GTF3C1: variants seen among roughly 807,000 people sequenced by gnomAD.
The protein encoded by GTF3C1 is general transcription factor IIIC subunit 1.
GTF3C1 carries 57 observed loss-of-function variants against 226.7 expected under a neutral mutation model. The ratio of observed to expected loss-of-function variants is 0.25; its 90% CI spans 0.20 to 0.31. The LOEUF (loss-of-function observed/expected upper bound fraction) is 0.31, where lower values mean the gene tolerates loss of function less well. Ranked by LOEUF, GTF3C1 falls within the 10% of genes least tolerant of loss-of-function variation. The pLI is 1.00. For missense variants in GTF3C1, 2,217 were observed against 2,776.1 expected, an observed-to-expected ratio of 0.80 and a Z score of 4.53; for synonymous variants, 1,090 against 1,084.8, an observed-to-expected ratio of 1.00 and a Z score of -0.09.
At chr16:27,485,213 C>G (rs1356293414) in intron 24 of GTF3C1, among the ~76,000 whole-genome samples, 1 of 152,240 alleles carries the variant, frequency 6.6e-6, no homozygotes, top group Non-Finnish European at 1.5e-5. Context: ...GGGCACAAAG[C>G]CCCAGCTGGG....
At chr16:27,488,672 C>G in intron 21 of GTF3C1, 37 bp from the exon 22 acceptor site, 1 of 1,532,514 alleles carries the variant, frequency 6.5e-7, no homozygotes, top group African/African-American at 1.4e-5. Flanking sequence ...GAAGCATGAG[C>G]TTCCACAAAT....
Position 27,549,868 on chromosome 16 carries a change from A to G in GTF3C1, c.23T>C (p.Leu8Ser), listed in dbSNP as rs1337174404. The part of the protein sequence containing the change: MDALESL[L>S]DEVALEGLDG... Reference sequence around the variant, plus strand: ...GAGCCCCTCCAGAGCGACTTCGTCCAACAACGACTCCAGCGCGTCCATTGC... The same window carrying G: ...GAGCCCCTCCAGAGCGACTTCGTCCGACAACGACTCCAGCGCGTCCATTGC... The change falls in exon 1 of 37, where the codon TTG becomes TCG. Residue 8 changes from leucine (L) to serine (S), a missense_variant. Around this residue, in one of 12 missense-constraint regions of GTF3C1, gnomAD observed 192 missense variants for 251.8 expected, o/e 0.76. Coordinates refer to ENST00000356183, the MANE Select transcript of GTF3C1 (RefSeq NM_001520.4). 1.2e-6 allele frequency: 2 copies of G among 1,612,438 alleles called. No homozygotes were observed.
rs1467740000 is a variant in GTF3C1 at position 27,463,422 on chromosome 16, G to A, written c.5924+119C>T. 2 of 706,902 alleles carry A rather than the reference G, an allele frequency of 2.8e-6. No homozygotes were observed. The highest frequency in any genetic ancestry group is 2.2e-5 in the Admixed American group (1 of 44,754). 43.8% of individuals were successfully genotyped at this position (706,902 alleles called of 1,614,324 possible). On this transcript the variant is annotated intron_variant, in intron 35 of 36. Transcript: ENST00000356183. The surrounding 1 kb of genome is among the most constrained non-coding windows in gnomAD (Gnocchi z 4.9). ...ACCCCTGCCAAGAACCAAGGTGCCG[G>A]GCAGGCTGTCAGAGCTGGTACCTGG... is the stretch of plus-strand genomic sequence containing the variant.
intron 27 of GTF3C1, among the ~76,000 whole-genome samples, chr16:27,478,950 G>A (rs1335225313): frequency 3.3e-5 from 5 of 151,960 alleles, no homozygotes; most frequent in Non-Finnish European, 5.9e-5. Flanking sequence ...CCCAGAGGCT[G>A]GGAAGTGGAA....
In GTF3C1 at chr16:27,533,335, G is replaced by A. The variant is rs771230294; in HGVS notation, c.805C>T (p.Arg269Trp). ...MEKLSVMLST[R>W]TNHIETLGKL... ...CCCAGCGTCTCTATGTGGTTAGTCC[G>A]TGTGCTCAGCATGACCGAAAGCTTC... Residue 269 changes from arginine to tryptophan, a missense_variant, in exon 5 of 37, where the codon CGG becomes TGG. By Grantham distance (101) the Arg-to-Trp change is moderately radical. This residue lies in a region of GTF3C1 where 163 missense variants were observed against 234.3 expected (regional missense o/e 0.70). Coordinates refer to ENST00000356183, the MANE Select transcript of GTF3C1 (RefSeq NM_001520.4). 1.2e-6 allele frequency: 2 copies of A among 1,607,616 alleles called. No individual in the cohort carries two copies. The highest frequency in any genetic ancestry group is 2.2e-5 in the East Asian group (1 of 44,846).
At chr16:27,518,452 G>A (rs1324976693) in intron 6 of GTF3C1, among the ~76,000 whole-genome samples, 2 of 152,190 alleles carry the variant, frequency 1.3e-5, no homozygotes, top group African/African-American at 4.8e-5. Flanking sequence ...CTTCCTCATA[G>A]AGTCCTTAGG....
At chr16:27,542,313 C>A (rs1490060283) in intron 2 of GTF3C1, among the ~76,000 whole-genome samples, 1 of 152,208 alleles carries the variant, frequency 6.6e-6, no homozygotes. Context: ...GTAATCCCAG[C>A]AGTTTGGGAG....
Position 27,470,678 on chromosome 16 carries a change from C to T in GTF3C1, c.4527-283G>A. On this transcript the variant is annotated intron_variant, in intron 30 of 36. Coordinates refer to ENST00000356183, the MANE Select transcript of GTF3C1 (RefSeq NM_001520.4). This position sits in a 1 kb window ranked among gnomAD's most constrained non-coding sequence, Gnocchi z 4.9. ...GGCGCTCCAGGAGGGCGCTGGCAGG[C>T]TCACCTTACAGGGGCTCACTGTACA... 1 of 436,692 alleles carries T rather than the reference C, an allele frequency of 2.3e-6. No individual in the cohort carries two copies. The allele number at this position is 436,692 out of a possible 1,614,324, so 27.1% of individuals were successfully genotyped here.
chr16:27,528,510 A>T, intron 6 of GTF3C1, 88 bp downstream of exon 6: 1 of 1,001,472 alleles, frequency 1.0e-6, no homozygotes, highest in Non-Finnish European at 1.5e-6. Context: ...ACAAGGCAGA[A>T]TGTGATCAGA....
chr16:27,485,714 C>T (rs1056500265), intron 24 of GTF3C1, among the ~76,000 whole-genome samples: 13 of 152,186 alleles, frequency 8.5e-5, no homozygotes, highest in African/African-American at 2.4e-4. Flanking sequence ...TGGCAGGGTG[C>T]GCCTGTAGTC....
chr16:27,533,346 A>G lies in GTF3C1; in HGVS notation c.794T>C (p.Met265Thr). The change falls in exon 5 of 37, where the codon ATG becomes ACG. Residue 265 changes from methionine to threonine, a missense_variant. Around this residue, in one of 12 missense-constraint regions of GTF3C1, gnomAD observed 163 missense variants for 234.3 expected, o/e 0.70. Transcript: ENST00000356183. ...TATGTGGTTAGTCCGTGTGCTCAGC[A>G]TGACCGAAAGCTTCTCCATGAGGAT... The part of the protein sequence containing the change: ...YDILMEKLSV[M>T]LSTRTNHIET... 1 of 1,609,774 alleles carries G rather than the reference A, an allele frequency of 6.2e-7. No homozygotes were observed. The highest frequency in any genetic ancestry group is 8.5e-7 in the Non-Finnish European group (1 of 1,176,038).
In GTF3C1 at chr16:27,463,678, T is replaced by G. The variant is rs1219908585; in HGVS notation, c.5873-86A>C. On this transcript the variant is annotated intron_variant, in intron 34 of 36. Coordinates refer to ENST00000356183, the MANE Select transcript of GTF3C1 (RefSeq NM_001520.4). This position sits in a 1 kb window ranked among gnomAD's most constrained non-coding sequence, Gnocchi z 4.9. ...CCAACCTTCAGCATGGTACCTAGCATGAGCAGGGCACCTCGAGGCTCAGGG... is the reference window on the plus strand; with the variant it reads ...CCAACCTTCAGCATGGTACCTAGCAGGAGCAGGGCACCTCGAGGCTCAGGG... 2 of 800,198 alleles carry G rather than the reference T, an allele frequency of 2.5e-6. No individual in the cohort carries two copies. The highest frequency in any genetic ancestry group is 2.3e-6 in the Non-Finnish European group (1 of 441,842). The allele number at this position is 800,198 out of a possible 1,614,324, so 49.6% of individuals were successfully genotyped here. A position where few individuals can be genotyped will look rare whatever the true frequency, so the allele number is the denominator to read the frequency against.
chr16:27,478,688 T>C, intron 27 of GTF3C1, 157 bp from the exon 28 acceptor site: 2 of 674,104 alleles, frequency 3.0e-6, no homozygotes, highest in South Asian at 3.3e-5. Flanking sequence ...TAAATTAAAA[T>C]GAGAATATAC....
At position 27,520,369 on chromosome 16, in the gene GTF3C1, C is replaced by T. The variant is rs2141425653; in HGVS notation, c.973+8229G>A. On this transcript the variant is annotated intron_variant, in intron 6 of 36. Coordinates refer to ENST00000356183, the MANE Select transcript of GTF3C1 (RefSeq NM_001520.4). ...ACCTCAAATGATCCACCTGCCTCGA[C>T]CTCCCAAAGTGCTGGGATTACAGGC... Among the ~76,000 whole-genome samples the T allele has an allele frequency of 1.3e-5, 2 of 152,266 alleles. 1 individual carries two copies. Among genetic ancestry groups the T allele is most frequent in the Middle Eastern group, 6.8e-3 (2 of 294 alleles).
At chr16:27,503,293 C>T (rs2088435901) in intron 10 of GTF3C1, among the ~76,000 whole-genome samples, 1 of 152,172 alleles carries the variant, frequency 6.6e-6, no homozygotes, top group Admixed American at 6.5e-5. Flanking sequence ...GAAGGCGTTC[C>T]CTCAATTCCC....
At chr16:27,518,188 G>GACACACAC (rs113867049) in intron 6 of GTF3C1, among the ~76,000 whole-genome samples, 7 of 149,298 alleles carry the variant, frequency 4.7e-5, no homozygotes, top group African/African-American at 1.5e-4. Flanking sequence ...CCCCGCCCAA[G>GACACACAC]ACACACACAC....
At chr16:27,475,091 G>A (rs1376935178) in intron 29 of GTF3C1, among the ~76,000 whole-genome samples, 1 of 152,224 alleles carries the variant, frequency 6.6e-6, no homozygotes, top group East Asian at 1.9e-4. Context: ...AGTCCTCCCT[G>A]CCCCGCTGTG....
intron 12 of GTF3C1, 30 bp from the exon 13 acceptor site, chr16:27,498,763 G>A (rs780491020): frequency 2.8e-6 from 3 of 1,077,624 alleles, no homozygotes; most frequent in Non-Finnish European, 4.3e-6. Flanking sequence ...CATCCCACAG[G>A]GTGAGGGAAG....
chr16:27,497,858 A>G (rs1415126814), intron 13 of GTF3C1, 37 bp from the exon 14 acceptor site: 17 of 1,525,366 alleles, frequency 1.1e-5, no homozygotes, highest in African/African-American at 4.1e-5. Flanking sequence ...TGTACTGAGA[A>G]AATCAAGGGC....
Sources: gnomAD v4.1 joint callset for allele counts (sites outside exome capture counted in the v4.1 genomes callset) on GRCh38, gnomAD v4.1.1 for gene constraint, gnomAD v4.1.1 regional missense constraint, Gnocchi (gnomAD v3.1) non-coding constraint, MANE v1.5 for transcripts, NCBI Gene and HGNC (gene_info 2026-07-23, HGNC 2026-07-21) for gene names.